PPM1G: variants seen among roughly 807,000 people sequenced by gnomAD.
PPM1G encodes protein phosphatase, Mg2+/Mn2+ dependent 1G, also known as protein phosphatase 1G.
A neutral mutation model predicts 59.4 loss-of-function variants in PPM1G; 12 were observed. That is an observed-to-expected ratio of 0.20 (90% CI 0.13 to 0.33). The LOEUF (loss-of-function observed/expected upper bound fraction) is 0.33, where lower values mean the gene tolerates loss of function less well. Ranked by LOEUF, PPM1G falls within the 10% of genes least tolerant of loss-of-function variation. PPM1G has a pLI of 1.00. For missense variants in PPM1G, 392 were observed against 681.3 expected, an observed-to-expected ratio of 0.58 and a Z score of 4.73; for synonymous variants, 245 against 251.9, an observed-to-expected ratio of 0.97 and a Z score of 0.26.
At chr2:27,389,797 C>G (rs953345947) in intron 1 of PPM1G, among the ~76,000 whole-genome samples, 1 of 152,042 alleles carries the variant, frequency 6.6e-6, no homozygotes, top group African/African-American at 2.4e-5. Context: ...GACCCCGCCT[C>G]TACAAAAAAA....
In PPM1G at chr2:27,384,609, C is replaced by T. The variant is rs2148418212; in HGVS notation, c.825+64G>A. 1 of 1,521,444 alleles carries T rather than the reference C, an allele frequency of 6.6e-7. No homozygotes were observed. The highest frequency in any genetic ancestry group is 1.3e-5 in the South Asian group (1 of 77,336). 94.2% of individuals were successfully genotyped at this position (1,521,444 alleles called of 1,614,324 possible). ...GAGAAGGAAAGAGAGTTGAAAACTA[C>T]AGACGGCAACCAAACAGGACCTCTC... On this transcript the variant is annotated intron_variant, in intron 5 of 9. Transcript: ENST00000344034. The surrounding 1 kb of genome is among the most constrained non-coding windows in gnomAD (Gnocchi z 4.8).
In PPM1G at chr2:27,385,060, A is replaced by T; in HGVS notation, c.438T>A (p.His146Gln). The T allele has an allele frequency of 6.2e-7, 1 of 1,611,180 alleles. No individual in the cohort carries two copies. Among genetic ancestry groups the T allele is most frequent in the Non-Finnish European group, 8.5e-7 (1 of 1,179,096 alleles). ...DVDNEEAALLHEEATMTIEEL... is the reference protein window; with the variant it reads ...DVDNEEAALLQEEATMTIEEL... Reference sequence around the variant, plus strand: ...CTTCAATAGTCATGGTAGCCTCTTCATGCAGCAGTGCAGCCTCCTCATTGT... The same window carrying T: ...CTTCAATAGTCATGGTAGCCTCTTCTTGCAGCAGTGCAGCCTCCTCATTGT... The change falls in exon 5 of 10, where the codon CAT becomes CAA. Residue 146 changes from histidine (H) to glutamine (Q), a missense_variant. Physicochemically the swap from His to Gln is conservative, Grantham distance 24. This residue lies in a region of PPM1G where 188 missense variants were observed against 248.8 expected (regional missense o/e 0.76). Transcript: ENST00000344034. The surrounding 1 kb of genome is among the most constrained non-coding windows in gnomAD (Gnocchi z 4.1).
At chr2:27,397,623 C>T (rs1228443394) in intron 1 of PPM1G, among the ~76,000 whole-genome samples, 1 of 152,152 alleles carries the variant, frequency 6.6e-6, no homozygotes. Context: ...TATAAAGGCA[C>T]TTGACAAAAT....
At chr2:27,381,880 C>T in intron 9 of PPM1G, 75 bp from the exon 10 acceptor site, 1 of 1,478,746 alleles carries the variant, frequency 6.8e-7, no homozygotes, top group Non-Finnish European at 9.4e-7. Flanking sequence ...CACAAGAGGG[C>T]TGGCTTGCTG....
intron 1 of PPM1G, among the ~76,000 whole-genome samples, chr2:27,391,793 G>A (rs142975813): frequency 3.7e-4 from 55 of 149,910 alleles, no homozygotes; most frequent in African/African-American, 1.3e-3. Context: ...GTGCAGTGGC[G>A]CGATCTCGGC....
chr2:27,404,801 G>A (rs539414891), intron 1 of PPM1G, among the ~76,000 whole-genome samples: 53 of 150,362 alleles, frequency 3.5e-4, no homozygotes, highest in African/African-American at 5.6e-4. Flanking sequence ...AAAATTAGCC[G>A]GGCATGGTGG....
chr2:27,382,889 G>C lies in PPM1G; in HGVS notation c.1202-284C>G, dbSNP rs372971694. On this transcript the variant is annotated intron_variant, in intron 7 of 9. Transcript: ENST00000344034. This position sits in a 1 kb window ranked among gnomAD's most constrained non-coding sequence, Gnocchi z 4.2. ...AGCCCAGGCTGGAGTGTAATGGCACGATCTCGGCTCACTACAACCTCCGCC... is the reference window on the plus strand; with the variant it reads ...AGCCCAGGCTGGAGTGTAATGGCACCATCTCGGCTCACTACAACCTCCGCC... Among the ~76,000 whole-genome samples the C allele has an allele frequency of 6.7e-6, 1 of 149,686 alleles. No homozygotes were observed. Among genetic ancestry groups the C allele is most frequent in the African/African-American group, 2.5e-5 (1 of 40,392 alleles).
At chr2:27,399,035 C>T (rs983392807) in intron 1 of PPM1G, among the ~76,000 whole-genome samples, 14 of 151,498 alleles carry the variant, frequency 9.2e-5, no homozygotes, top group East Asian at 2.0e-4. Context: ...CCCAGCTACT[C>T]GGGAGGCTGA....
intron 1 of PPM1G, among the ~76,000 whole-genome samples, chr2:27,407,232 T>A (rs1335821613): frequency 6.7e-6 from 1 of 149,324 alleles, no homozygotes. Context: ...TCCCAAAGTG[T>A]TAGGATTACA....
At chr2:27,386,319 C>T in intron 2 of PPM1G, 40 bp from the exon 3 acceptor site, 2 of 1,397,222 alleles carry the variant, frequency 1.4e-6, no homozygotes, top group South Asian at 1.2e-5. Context: ...AGCACTGCTC[C>T]CCACACATAG....
chr2:27,393,514 G>A (rs963234935), intron 1 of PPM1G: 8 of 703,792 alleles, frequency 1.1e-5, no homozygotes, highest in Admixed American at 1.0e-4. Context: ...CAGGACGAGC[G>A]CCGGGTTCCG....
chr2:27,387,428 T>C (rs1172915206), intron 1 of PPM1G, among the ~76,000 whole-genome samples: 1 of 152,142 alleles, frequency 6.6e-6, no homozygotes, highest in African/African-American at 2.4e-5. Flanking sequence ...GATGGCAGAA[T>C]ATTTGGCTAC....
intron 1 of PPM1G, among the ~76,000 whole-genome samples, chr2:27,407,106 T>C (rs1486170955): frequency 1.3e-5 from 2 of 151,840 alleles, no homozygotes; most frequent in African/African-American, 2.4e-5. Flanking sequence ...GCTATGATTA[T>C]AGGCACGCAC....
chr2:27,406,605 G>A (rs768496776), intron 1 of PPM1G, among the ~76,000 whole-genome samples: 1 of 152,026 alleles, frequency 6.6e-6, no homozygotes, highest in Non-Finnish European at 1.5e-5. Context: ...ACACTAAACC[G>A]TCCCTGACAA....
chr2:27,402,700 C>T lies in PPM1G; in HGVS notation c.120+6603G>A, dbSNP rs181448806. The stretch of plus-strand genomic sequence containing the variant: ...GGCGGGCGCCTGTAGTCCAGCTACG[C>T]GGGAGGCTGAGGCAGGAGAATGGCA... On this transcript the variant is annotated intron_variant, in intron 1 of 9. Coordinates refer to ENST00000344034, the MANE Select transcript of PPM1G (RefSeq NM_177983.3). 6.3e-3 allele frequency among the ~76,000 whole-genome samples: 950 copies of T among 151,364 alleles called. 12 individuals carry two copies. Among genetic ancestry groups the T allele is most frequent in the African/African-American group, 0.022 (898 of 41,074 alleles).
At chr2:27,405,697 T>C (rs1412387780) in intron 1 of PPM1G, among the ~76,000 whole-genome samples, 1 of 151,890 alleles carries the variant, frequency 6.6e-6, no homozygotes, top group African/African-American at 2.4e-5. Flanking sequence ...GACTGGCCTG[T>C]GGTATTTTGA....
In PPM1G at chr2:27,385,623, G is replaced by C; in HGVS notation, c.409+124C>G. The C allele has an allele frequency of 8.0e-7, 1 of 1,251,930 alleles. No homozygotes were observed. The allele number at this position is 1,251,930 out of a possible 1,614,324, so 77.6% of individuals were successfully genotyped here. A position where few individuals can be genotyped will look rare whatever the true frequency, so the allele number is the denominator to read the frequency against. On this transcript the variant is annotated intron_variant, in intron 4 of 9. Coordinates refer to ENST00000344034, the MANE Select transcript of PPM1G (RefSeq NM_177983.3). The surrounding 1 kb of genome is among the most constrained non-coding windows in gnomAD (Gnocchi z 4.1). The stretch of plus-strand genomic sequence containing the variant: ...CATACAATGCAGGAGAACATCATAG[G>C]TTTCTTTAACATAAGGACTCCCCAG...
At chr2:27,402,737 G>A (rs1017229115) in intron 1 of PPM1G, among the ~76,000 whole-genome samples, 2 of 151,740 alleles carry the variant, frequency 1.3e-5, no homozygotes, top group African/African-American at 4.8e-5. Flanking sequence ...GAACCCGGGA[G>A]GCGGAGCTTG....
chr2:27,383,678 A>G lies in PPM1G; in HGVS notation c.967-78T>C. 1 of 1,399,780 alleles carries G rather than the reference A, an allele frequency of 7.1e-7. No individual in the cohort carries two copies. Among genetic ancestry groups the G allele is most frequent in the East Asian group, 2.5e-5 (1 of 40,202 alleles). 86.7% of individuals were successfully genotyped at this position (1,399,780 alleles called of 1,614,324 possible). A position where few individuals can be genotyped will look rare whatever the true frequency, so the allele number is the denominator to read the frequency against. On this transcript the variant is annotated intron_variant, in intron 6 of 9. Coordinates refer to ENST00000344034, the MANE Select transcript of PPM1G (RefSeq NM_177983.3). This position sits in a 1 kb window ranked among gnomAD's most constrained non-coding sequence, Gnocchi z 5.0. ...CTGATGTGCTCCTGATCGTTCACCT[A>G]TGCTTGCTTTCACTGGGACCCCCAA...
Sources: allele counts gnomAD v4.1 joint callset (sites outside exome capture counted in the v4.1 genomes callset), GRCh38; gene constraint gnomAD v4.1.1; regional missense constraint gnomAD v4.1.1; non-coding constraint Gnocchi (gnomAD v3.1); transcripts MANE v1.5; gene names NCBI Gene and HGNC (gene_info 2026-07-23, HGNC 2026-07-21).